RIMS1: variants seen among roughly 807,000 people sequenced by gnomAD.
RIMS1 encodes the protein regulating synaptic membrane exocytosis 1.
A neutral mutation model predicts 214.1 loss-of-function variants in RIMS1; 83 were observed. The observed-to-expected ratio is 0.39, with a 90% CI of 0.32 to 0.47. The LOEUF (loss-of-function observed/expected upper bound fraction) is 0.47, where lower values mean the gene tolerates loss of function less well. Ranked by LOEUF, RIMS1 falls within the 20% of genes least tolerant of loss-of-function variation. RIMS1 has a pLI of 0.99. For synonymous variants in RIMS1, 793 were observed against 786.8 expected (o/e 1.01, Z -0.13); for missense variants, 2,050 against 2,161.8 (o/e 0.95, Z 1.03).
intron 2 of RIMS1, among the ~76,000 whole-genome samples, chr6:72,046,298 G>T (rs958467277): frequency 6.6e-6 from 1 of 152,092 alleles, no homozygotes; most frequent in Non-Finnish European, 1.5e-5. Context: ...GTGGAAAGGG[G>T]TTGGGAGGGG....
rs913255597 is a variant in RIMS1, at chr6:72,104,287, T to G, written c.471+4301T>G. On this transcript the variant is annotated intron_variant, in intron 4 of 33. Coordinates refer to ENST00000521978, the MANE Select transcript of RIMS1 (RefSeq NM_014989.7). ...ATAGGTCCAAGATTAACAGAGAAAC[T>G]TAAGTGCCTACTTTAAAAGGCTATT... Among the ~76,000 whole-genome samples, 8 of 152,176 alleles carry G rather than the reference T, an allele frequency of 5.3e-5. No homozygotes were observed. The South Asian group carries it at 1.7e-3, about 31-fold the overall frequency.
chr6:72,218,671 T>A (rs931621750), intron 6 of RIMS1, among the ~76,000 whole-genome samples: 2 of 152,160 alleles, frequency 1.3e-5, no homozygotes, highest in African/African-American at 4.8e-5. Context: ...ATACTTGCTG[T>A]TTCTTCTTAA....
At chr6:71,898,352 C>A (rs917728955) in intron 1 of RIMS1, among the ~76,000 whole-genome samples, 1 of 152,014 alleles carries the variant, frequency 6.6e-6, no homozygotes, top group Non-Finnish European at 1.5e-5. Context: ...AAAAAGGATA[C>A]CTCAGTTAAG....
At chr6:72,366,281 A>G (rs1215991635) in intron 29 of RIMS1, among the ~76,000 whole-genome samples, 2 of 152,220 alleles carry the variant, frequency 1.3e-5, no homozygotes, top group African/African-American at 2.4e-5. Flanking sequence ...GTGTATTACA[A>G]GTGCCAAGTG....
chr6:71,916,436 T>C (rs536590981), intron 1 of RIMS1, among the ~76,000 whole-genome samples: 1 of 152,276 alleles, frequency 6.6e-6, no homozygotes, highest in South Asian at 2.1e-4. Context: ...AATAAAATTT[T>C]ACTTTTCTCT....
chr6:71,976,325 A>T (rs1438199973), intron 2 of RIMS1, among the ~76,000 whole-genome samples: 2 of 152,026 alleles, frequency 1.3e-5, no homozygotes, highest in African/African-American at 4.8e-5. Flanking sequence ...TGAACTTTTC[A>T]TGGGCTTATT....
At chr6:72,045,235 T>C (rs1822639025) in intron 2 of RIMS1, among the ~76,000 whole-genome samples, 1 of 151,922 alleles carries the variant, frequency 6.6e-6, no homozygotes, top group African/African-American at 2.4e-5. Context: ...AAGATGATAA[T>C]GTTTTATATC....
At chr6:72,007,384 C>A (rs1368628214) in intron 2 of RIMS1, among the ~76,000 whole-genome samples, 1 of 152,176 alleles carries the variant, frequency 6.6e-6, no homozygotes, top group African/African-American at 2.4e-5. Context: ...AAAAACAGAG[C>A]AGAAAAACTG....
chr6:72,064,298 A>G (rs2152268291), intron 2 of RIMS1, among the ~76,000 whole-genome samples: 1 of 151,066 alleles, frequency 6.6e-6, no homozygotes, highest in South Asian at 2.1e-4. Context: ...AGCCTGGGCA[A>G]CAAGAGCAAA....
intron 1 of RIMS1, among the ~76,000 whole-genome samples, chr6:71,919,847 A>G (rs972905825): frequency 6.6e-6 from 1 of 152,152 alleles, no homozygotes; most frequent in East Asian, 1.9e-4. Flanking sequence ...AAGAACGAGA[A>G]CTCAAAATAT....
intron 1 of RIMS1, among the ~76,000 whole-genome samples, chr6:71,951,478 C>CTTTTTCTTTTTCTTTT (rs1237497676): frequency 7.8e-6 from 1 of 128,856 alleles, no homozygotes; most frequent in African/African-American, 3.0e-5. Flanking sequence ...TTTTCTTTTT[C>CTTTTTCTTTTTCTTTT]TTTTTTTTTT....
At chr6:72,339,679 TATC>T (rs2096978207) in intron 29 of RIMS1, among the ~76,000 whole-genome samples, 1 of 152,100 alleles carries the variant, frequency 6.6e-6, no homozygotes, top group Non-Finnish European at 1.5e-5. Context: ...TCATCCAGTC[TATC>T]ATTGTTGGAC....
intron 29 of RIMS1, among the ~76,000 whole-genome samples, chr6:72,355,743 A>T (rs1386904139): frequency 1.3e-5 from 2 of 152,172 alleles, no homozygotes; most frequent in East Asian, 3.8e-4. Context: ...GCTTGGTTAA[A>T]TGAATCGTTG....
At chr6:71,949,702 A>G (rs1788882987) in intron 1 of RIMS1, among the ~76,000 whole-genome samples, 2 of 152,212 alleles carry the variant, frequency 1.3e-5, no homozygotes, top group African/African-American at 2.4e-5. Context: ...ACAGTGTTTA[A>G]TTATAAGATC....
intron 10 of RIMS1, 127 bp downstream of exon 10, chr6:72,242,564 A>G: frequency 1.7e-6 from 1 of 605,822 alleles, no homozygotes; most frequent in Middle Eastern, 4.6e-4. Flanking sequence ...TTATGGGCAT[A>G]CATTTTTAGA....
chr6:72,352,550 G>A (rs968118041), intron 29 of RIMS1, among the ~76,000 whole-genome samples: 2 of 152,026 alleles, frequency 1.3e-5, no homozygotes, highest in African/African-American at 4.8e-5. Context: ...AAGTATAAAG[G>A]CTCACATTTA....
chr6:72,038,077 T>C (rs1426980790), intron 2 of RIMS1, among the ~76,000 whole-genome samples: 1 of 104,334 alleles, frequency 9.6e-6, no homozygotes, highest in Non-Finnish European at 1.9e-5. Context: ...CAGTTCTCTG[T>C]TGAACAAACA....
chr6:72,076,398 G>C (rs1040271573), intron 2 of RIMS1, among the ~76,000 whole-genome samples: 2 of 152,238 alleles, frequency 1.3e-5, no homozygotes, highest in Non-Finnish European at 2.9e-5. Flanking sequence ...GCTCTCACAT[G>C]GTGGAGAGAG....
intron 24 of RIMS1, among the ~76,000 whole-genome samples, chr6:72,290,134 T>C (rs1405715990): frequency 6.6e-6 from 1 of 152,190 alleles, no homozygotes; most frequent in Non-Finnish European, 1.5e-5. Context: ...TTAATTTTTG[T>C]CTACTTAGAT....
Sources: gnomAD v4.1 joint callset for allele counts (sites outside exome capture counted in the v4.1 genomes callset) on GRCh38, gnomAD v4.1.1 for gene constraint, MANE v1.5 for transcripts, NCBI Gene and HGNC (gene_info 2026-07-23, HGNC 2026-07-21) for gene names.